The following MAPKAPK5 variants were observed in gnomAD, a reference collection of about 807,000 sequenced individuals.
MAPKAPK5 encodes MAPK activated protein kinase 5.
MAPKAPK5 carries 30 observed loss-of-function variants against 65.1 expected under a neutral mutation model. The observed-to-expected ratio is 0.46, with a 90% CI of 0.34 to 0.63. The LOEUF is 0.63. MAPKAPK5 is among the 20% of genes least tolerant of loss of function. The pLI is 0.01. For missense variants in MAPKAPK5, 433 were observed against 581.4 expected (o/e 0.74, Z 2.63); for synonymous variants, 179 against 204.6 (o/e 0.87, Z 1.07).
chr12:111,850,903 T>C (rs1001327062), intron 1 of MAPKAPK5, among the ~76,000 whole-genome samples: 9 of 139,404 alleles, frequency 6.5e-5, no homozygotes, highest in East Asian at 6.3e-4. Flanking sequence ...CATTTTCTTT[T>C]TTTTTTTTTT....
intron 1 of MAPKAPK5, among the ~76,000 whole-genome samples, chr12:111,854,906 C>T (rs955770640): frequency 1.3e-5 from 2 of 152,126 alleles, no homozygotes; most frequent in African/African-American, 4.8e-5. Context: ...AACCAATGTG[C>T]CTAGACTTTG....
chr12:111,852,327 G>C (rs2069110294), intron 1 of MAPKAPK5, among the ~76,000 whole-genome samples: 1 of 152,140 alleles, frequency 6.6e-6, no homozygotes, highest in African/African-American at 2.4e-5. Flanking sequence ...GCTGCCCCAA[G>C]ACAGCAAGAC....
chr12:111,851,188 G>A (rs1447419539), intron 1 of MAPKAPK5, among the ~76,000 whole-genome samples: 1 of 151,924 alleles, frequency 6.6e-6, no homozygotes, highest in Admixed American at 6.6e-5. Context: ...ATGAGCCACC[G>A]TGCCCGGCCA....
In MAPKAPK5 at chr12:111,883,783, T is replaced by C. The variant is rs775772905; in HGVS notation, c.848+15T>C. ...GTTGTGAGGAAGTGAGTTCACGGGC[T>C]GCTGGGCATGGAGGCCAAGGAGGCC... is the stretch of plus-strand genomic sequence containing the variant. On this transcript the variant is annotated intron_variant, in intron 9 of 13. Transcript: ENST00000550735. This position sits in a 1 kb window ranked among gnomAD's most constrained non-coding sequence, Gnocchi z 4.8. The C allele has an allele frequency of 2.5e-6, 4 of 1,610,032 alleles. No individual in the cohort carries two copies. The Admixed American group carries it at 6.7e-5, about 27-fold the overall frequency.
chr12:111,850,540 A>G (rs771209069), intron 1 of MAPKAPK5, among the ~76,000 whole-genome samples: 2 of 152,236 alleles, frequency 1.3e-5, no homozygotes, highest in Non-Finnish European at 2.9e-5. Context: ...TCAGGGTAAC[A>G]GGAGAAGCAG....
chr12:111,862,916 C>G (rs534862336), intron 1 of MAPKAPK5, among the ~76,000 whole-genome samples: 9 of 152,212 alleles, frequency 5.9e-5, no homozygotes, highest in Non-Finnish European at 1.2e-4. Flanking sequence ...ACTCTATTCC[C>G]CTGGGTCTCG....
In MAPKAPK5 at chr12:111,855,538, T is replaced by C. The variant is rs529058058; in HGVS notation, c.37-9712T>C. Among the ~76,000 whole-genome samples the C allele has an allele frequency of 2.0e-4, 31 of 152,188 alleles. No individual in the cohort carries two copies. In the South Asian group the frequency reaches 6.0e-3, roughly 30 times the overall value. On this transcript the variant is annotated intron_variant, in intron 1 of 13. Coordinates refer to ENST00000550735, the MANE Select transcript of MAPKAPK5 (RefSeq NM_003668.4). The stretch of plus-strand genomic sequence containing the variant: ...TTGACCTCCTGGTTATTTATAAGTG[T>C]GTTGTTTAGGCCAGGTGCAGTGGCT...
In MAPKAPK5 at chr12:111,899,996, C is replaced by T; in HGVS notation, c.*6935C>T. 4.4e-6 allele frequency: 2 copies of T among 456,032 alleles called. No homozygotes were observed. The highest frequency in any genetic ancestry group is 3.1e-5 in the South Asian group (2 of 64,550). The allele number at this position is 456,032 out of a possible 1,614,324, so 28.2% of individuals were successfully genotyped here. ...TTGTCGTGGTCAACAACCAGCGGTT[C>T]CAGATGTGGGGCAGTAACGTCAATG... On this transcript the variant is annotated 3_prime_UTR_variant, in exon 14 of 14. Transcript: ENST00000550735.
chr12:111,871,261 T>A, intron 7 of MAPKAPK5, 81 bp downstream of exon 7: 1 of 1,125,454 alleles, frequency 8.9e-7, no homozygotes, highest in Non-Finnish European at 1.3e-6. Flanking sequence ...ACAGCACAAG[T>A]AGGCATATAT....
intron 1 of MAPKAPK5, among the ~76,000 whole-genome samples, chr12:111,849,255 CT>C (rs112897636): frequency 4.2e-4 from 59 of 139,104 alleles, no homozygotes; most frequent in Non-Finnish European, 3.1e-4. Context: ...TTTTTTCTTT[CT>C]TTTTTTTTTT....
intron 4 of MAPKAPK5, among the ~76,000 whole-genome samples, chr12:111,868,410 A>AT (rs960863483): frequency 1.3e-5 from 2 of 152,214 alleles, no homozygotes; most frequent in Non-Finnish European, 2.9e-5. Context: ...AAGGGTAGGA[A>AT]TTTTCCAGAT....
At position 111,888,903 on chromosome 12, in the gene MAPKAPK5, T is replaced by C. The variant is rs55719820; in HGVS notation, c.1119T>C (p.Ser373=). The C allele has an allele frequency of 1.7e-3, 2,738 of 1,613,834 alleles. 76 individuals are homozygous for C. The East Asian group carries it at 0.054, about 32-fold the overall frequency. The part of the protein sequence containing the change: ...RKLLGTKPKD[S]VYIHDHENGA... ...CTTAAAGCACCAAGCCAAAGGACAGTGTCTATATCCACGACCATGAGAATG... is the reference window on the plus strand; with the variant it reads ...CTTAAAGCACCAAGCCAAAGGACAGCGTCTATATCCACGACCATGAGAATG... The change falls in exon 12 of 14, where the codon AGT becomes AGC. Residue 373 remains serine (S), a synonymous_variant. Transcript: ENST00000550735.
chr12:111,846,574 C>T (rs1346821354), intron 1 of MAPKAPK5, among the ~76,000 whole-genome samples: 1 of 151,282 alleles, frequency 6.6e-6, no homozygotes, highest in Non-Finnish European at 1.5e-5. Flanking sequence ...TGGCTCACTG[C>T]AGCCTCTGCC....
intron 7 of MAPKAPK5, among the ~76,000 whole-genome samples, chr12:111,873,228 C>T (rs2136119027): frequency 6.6e-6 from 1 of 152,030 alleles, no homozygotes; most frequent in African/African-American, 2.4e-5. Flanking sequence ...CTTTTTTTCC[C>T]CCTTAAGGGT....
chr12:111,847,549 C>T (rs1234899281), intron 1 of MAPKAPK5, among the ~76,000 whole-genome samples: 1 of 151,632 alleles, frequency 6.6e-6, no homozygotes, highest in African/African-American at 2.4e-5. Context: ...TATAGCGAGT[C>T]GTTAATATTT....
At chr12:111,872,381 A>G (rs2069812717) in intron 7 of MAPKAPK5, among the ~76,000 whole-genome samples, 1 of 152,092 alleles carries the variant, frequency 6.6e-6, no homozygotes, top group South Asian at 2.1e-4. Flanking sequence ...ATTTTGGAGC[A>G]CTTTTTGTAC....
intron 8 of MAPKAPK5, among the ~76,000 whole-genome samples, chr12:111,881,274 A>G (rs2070202183): frequency 6.6e-6 from 1 of 151,848 alleles, no homozygotes; most frequent in African/African-American, 2.4e-5. Context: ...GGGTTTCTCC[A>G]TGTTGGCCAA....
chr12:111,862,391 G>A (rs2069468797), intron 1 of MAPKAPK5, among the ~76,000 whole-genome samples: 1 of 152,172 alleles, frequency 6.6e-6, no homozygotes, highest in Admixed American at 6.6e-5. Context: ...CCATCAGGTA[G>A]AGTACTAACT....
rs145723455 is a variant in MAPKAPK5, at chr12:111,851,451, G to T, written c.36+8682G>T. On this transcript the variant is annotated intron_variant, in intron 1 of 13. Transcript: ENST00000550735. ...AGCAATTCTCATGCCTCAGCCTCTC[G>T]AGAAGCTGGAATTACAGGCATGCTC... Among the ~76,000 whole-genome samples the T allele has an allele frequency of 5.2e-3, 784 of 152,166 alleles. 2 individuals carry two copies. The highest frequency in any genetic ancestry group is 0.018 in the African/African-American group (737 of 41,490).
Sources: gnomAD v4.1 joint callset for allele counts (sites outside exome capture counted in the v4.1 genomes callset) on GRCh38, gnomAD v4.1.1 for gene constraint, Gnocchi (gnomAD v3.1) non-coding constraint, MANE v1.5 for transcripts, NCBI Gene and HGNC (gene_info 2026-07-23, HGNC 2026-07-21) for gene names.